OR51B5: variants seen among roughly 807,000 people sequenced by gnomAD.
OR51B5 encodes olfactory receptor family 51 subfamily B member 5, also known as olfactory receptor 51B5.
For missense variants in OR51B5, 456 were observed against 374.6 expected (o/e 1.22, Z -1.79); for synonymous variants, 186 against 144.8 (o/e 1.28, Z -2.04).
At chr11:5,459,003 G>C (rs1851005477) in intron 1 of OR51B5, among the ~76,000 whole-genome samples, 1 of 152,150 alleles carries the variant, frequency 6.6e-6, no homozygotes, top group African/African-American at 2.4e-5. Flanking sequence ...AGTAAGAGTG[G>C]TAAAAGTGGA....
At chr11:5,501,104 A>G (rs1358437603) in intron 1 of OR51B5, among the ~76,000 whole-genome samples, 3 of 148,018 alleles carry the variant, frequency 2.0e-5, no homozygotes, top group Non-Finnish European at 3.0e-5. Context: ...AGAGTCTAGA[A>G]CATAGGTGTA....
At chr11:5,477,677 G>T (rs1057095582) in intron 1 of OR51B5, among the ~76,000 whole-genome samples, 1 of 152,144 alleles carries the variant, frequency 6.6e-6, no homozygotes, top group South Asian at 2.1e-4. Context: ...AGCCGAAGCA[G>T]GGTGAGGCAT....
At chr11:5,425,020 T>C (rs1239850534) in intron 1 of OR51B5, among the ~76,000 whole-genome samples, 1 of 140,848 alleles carries the variant, frequency 7.1e-6, no homozygotes, top group Non-Finnish European at 1.5e-5. Context: ...AGAAAGCAAA[T>C]ACCAAAGGAA....
chr11:5,341,769 C>T (rs1848897270), downstream of OR51B5, among the ~76,000 whole-genome samples: 1 of 152,138 alleles, frequency 6.6e-6, no homozygotes, highest in Admixed American at 6.6e-5. Context: ...ACTGTCTCTT[C>T]CACTAATTTG....
intron 1 of OR51B5, among the ~76,000 whole-genome samples, chr11:5,376,260 C>CTTCT (rs1849526238): frequency 6.6e-6 from 1 of 152,018 alleles, no homozygotes; most frequent in African/African-American, 2.4e-5. Context: ...TTCTTTGAAA[C>CTTCT]CAATGAGAAC....
intron 1 of OR51B5, among the ~76,000 whole-genome samples, chr11:5,474,674 A>G (rs1369774678): frequency 6.6e-6 from 1 of 152,182 alleles, no homozygotes; most frequent in Non-Finnish European, 1.5e-5. Flanking sequence ...TGCCAATGCA[A>G]TAATTCTATT....
intron 1 of OR51B5, among the ~76,000 whole-genome samples, chr11:5,348,994 G>T (rs545466162): frequency 2.0e-5 from 3 of 152,168 alleles, no homozygotes; most frequent in Admixed American, 6.5e-5. Context: ...GTTAACATCT[G>T]AATGGGCTCC....
At chr11:5,465,567 G>T (rs36187579) in intron 1 of OR51B5, among the ~76,000 whole-genome samples, 19,352 of 148,150 alleles carry the variant, frequency 0.13, 1,448 homozygotes, top group Admixed American at 0.17. Context: ...ATACTACAAG[G>T]CTACAGTAAC....
intron 1 of OR51B5, among the ~76,000 whole-genome samples, chr11:5,479,711 C>A (rs921509733): frequency 7.4e-5 from 11 of 149,038 alleles, no homozygotes; most frequent in Non-Finnish European, 1.6e-4. Flanking sequence ...GGGTTGCAAT[C>A]CTAGTCTCTG....
intron 1 of OR51B5, among the ~76,000 whole-genome samples, chr11:5,374,168 G>A (rs935350101): frequency 6.6e-6 from 1 of 152,194 alleles, no homozygotes; most frequent in African/African-American, 2.4e-5. Context: ...AGCATTCGCG[G>A]ATCACGAAAA....
intron 1 of OR51B5, among the ~76,000 whole-genome samples, chr11:5,426,152 C>A (rs1393732749): frequency 2.0e-5 from 3 of 152,114 alleles, no homozygotes; most frequent in African/African-American, 7.2e-5. Context: ...TAAATAGAAT[C>A]CTGGAAAAGG....
chr11:5,361,868 T>G (rs1849290956), intron 1 of OR51B5, among the ~76,000 whole-genome samples: 1 of 152,198 alleles, frequency 6.6e-6, no homozygotes, highest in Admixed American at 6.5e-5. Context: ...TCGGGCTGCA[T>G]AAACCAGCTT....
intron 1 of OR51B5, chr11:5,402,510 C>T (rs1849986193): frequency 5.4e-6 from 2 of 373,606 alleles, no homozygotes; most frequent in Non-Finnish European, 1.1e-5. Context: ...CCTCAGTGCC[C>T]AGTTGTCTTT....
intron 1 of OR51B5, among the ~76,000 whole-genome samples, chr11:5,408,142 G>A (rs1353540907): frequency 6.6e-6 from 1 of 151,998 alleles, no homozygotes; most frequent in East Asian, 1.9e-4. Context: ...TTCATTTGCT[G>A]CAGTTCCAAA....
intron 1 of OR51B5, among the ~76,000 whole-genome samples, chr11:5,371,961 CTT>C (rs994126895): frequency 1.3e-4 from 20 of 151,838 alleles, no homozygotes; most frequent in Admixed American, 1.3e-3. Context: ...CCTTATTTTT[CTT>C]TTGAGATTCC....
downstream of OR51B5, chr11:5,342,552 T>TAC (rs1848911574): frequency 2.0e-6 from 3 of 1,533,094 alleles, no homozygotes; most frequent in African/African-American, 4.2e-5. Context: ...TTAGAGTTTT[T>TAC]ACATTCTGTG....
chr11:5,346,931 T>C (rs1159811916), upstream of OR51B5: 1 of 152,204 alleles, frequency 6.6e-6, no homozygotes, highest in African/African-American at 2.4e-5. Context: ...AAGCAGTCAC[T>C]GTGGTTATTA....
chr11:5,432,258 AG>A (rs1255569797), intron 1 of OR51B5, among the ~76,000 whole-genome samples: 11 of 152,178 alleles, frequency 7.2e-5, no homozygotes, highest in African/African-American at 2.7e-4. Flanking sequence ...ACATTTGAGC[AG>A]GAACATGCAA....
chr11:5,473,854 A>AGTGTGTGTGTGT (rs71053262), intron 1 of OR51B5, among the ~76,000 whole-genome samples: 2 of 150,030 alleles, frequency 1.3e-5, no homozygotes, highest in African/African-American at 4.9e-5. Context: ...TTACAAAATG[A>AGTGTGTGTGTGT]GTGTGTGTGT....
Sources: gnomAD v4.1 joint callset for allele counts (sites outside exome capture counted in the v4.1 genomes callset) on GRCh38, gnomAD v4.1.1 for gene constraint, MANE v1.5 for transcripts, NCBI Gene and HGNC (gene_info 2026-07-23, HGNC 2026-07-21) for gene names.